Variants in DPYD observed in about 807,000 individuals in gnomAD.
DPYD encodes the protein dihydropyrimidine dehydrogenase, also known as dihydropyrimidine dehydrogenase [NADP(+)].
Under a neutral mutation model 116.2 loss-of-function variants are expected in DPYD, and 109 were observed. That is an observed-to-expected ratio of 0.94 (90% confidence interval 0.80 to 1.10). DPYD has a LOEUF of 1.10. Among genes scored for constraint, DPYD ranks in the 50% least tolerant of loss-of-function variants. DPYD has a pLI of 0.00. For synonymous variants in DPYD, 440 were observed against 432.0 expected, an observed-to-expected ratio of 1.02 and a Z score of -0.23; for missense variants, 1,302 against 1,254.5, an observed-to-expected ratio of 1.04 and a Z score of -0.57.
intron 20 of DPYD, among the ~76,000 whole-genome samples, chr1:97,157,266 T>A (rs1655537608): frequency 6.6e-6 from 1 of 151,906 alleles, no homozygotes; most frequent in African/African-American, 2.4e-5. Context: ...TAAAGTATAA[T>A]AATAATAAAA....
At chr1:97,821,088 T>C (rs1190853792) in intron 3 of DPYD, among the ~76,000 whole-genome samples, 1 of 151,892 alleles carries the variant, frequency 6.6e-6, no homozygotes, top group Admixed American at 6.6e-5. Context: ...AGACAACACA[T>C]TGGAGGCCGA....
rs72967807 is a variant in DPYD at position 97,188,347 on chromosome 1, T to C, written c.2622+4722A>G. Among the ~76,000 whole-genome samples, 1,469 of 152,318 alleles carry C rather than the reference T, an allele frequency of 9.6e-3. 15 individuals carry two copies. Among genetic ancestry groups the C allele is most frequent in the African/African-American group, 0.033 (1,366 of 41,580 alleles). On this transcript the variant is annotated intron_variant, in intron 20 of 22. Coordinates refer to ENST00000370192, the MANE Select transcript of DPYD (RefSeq NM_000110.4). ...TGTTTTCTTCTAAAATGACTGCTGC[T>C]GTTCTTAAAAGGATCTAGCTGGAAT...
chr1:97,269,167 C>T (rs1664417007), intron 18 of DPYD, among the ~76,000 whole-genome samples: 1 of 152,062 alleles, frequency 6.6e-6, no homozygotes, highest in Admixed American at 6.5e-5. Flanking sequence ...TGCAACTGCA[C>T]AAGGATAGCT....
chr1:97,654,439 C>T (rs901679640), intron 8 of DPYD, among the ~76,000 whole-genome samples: 2 of 151,900 alleles, frequency 1.3e-5, no homozygotes, highest in African/African-American at 4.8e-5. Context: ...AGTGATTTCA[C>T]AAAAGATACA....
At position 97,633,402 on chromosome 1, in the gene DPYD, TA is replaced by T. The variant is rs1402852625; in HGVS notation, c.851-38237del. Among the ~76,000 whole-genome samples the T allele has an allele frequency of 3.3e-5, 5 of 152,154 alleles. No homozygotes were observed. The South Asian group carries it at 1.0e-3, about 32-fold the overall frequency. ...TAGGGTAGTATTAAGCTGCCAAAGA[TA>T]AGTGGCCAAAACTGTTGCCAACACA... On this transcript the variant is annotated intron_variant, in intron 8 of 22. Transcript: ENST00000370192.
chr1:97,521,261 G>T (rs1367790518), intron 12 of DPYD, among the ~76,000 whole-genome samples: 1 of 151,988 alleles, frequency 6.6e-6, no homozygotes, highest in Non-Finnish European at 1.5e-5. Flanking sequence ...TTTGTTGGCT[G>T]CACAAATGTC....
intron 1 of DPYD, among the ~76,000 whole-genome samples, chr1:97,898,410 T>G (rs576177668): frequency 6.6e-6 from 1 of 151,986 alleles, no homozygotes; most frequent in African/African-American, 2.4e-5. Context: ...CCACCAGGCT[T>G]TGTGTGGTTT....
chr1:97,638,848 A>G (rs972486441), intron 8 of DPYD, among the ~76,000 whole-genome samples: 1 of 152,112 alleles, frequency 6.6e-6, no homozygotes. Flanking sequence ...ATGCCAAGCT[A>G]TTCATGAGGG....
chr1:97,633,661 TAAGAG>T (rs1327585867), intron 8 of DPYD, among the ~76,000 whole-genome samples: 1 of 151,926 alleles, frequency 6.6e-6, no homozygotes, highest in Non-Finnish European at 1.5e-5. Flanking sequence ...AAAAGCTAGG[TAAGAG>T]AAAAGGTCTA....
chr1:97,686,790 T>C (rs766343419), intron 7 of DPYD, among the ~76,000 whole-genome samples: 4 of 150,970 alleles, frequency 2.6e-5, no homozygotes, highest in Admixed American at 1.3e-4. Flanking sequence ...AAAGCAAAAA[T>C]TGACAGATGA....
At chr1:97,179,940 A>G (rs1468889660) in intron 20 of DPYD, among the ~76,000 whole-genome samples, 1 of 152,156 alleles carries the variant, frequency 6.6e-6, no homozygotes, top group Non-Finnish European at 1.5e-5. Context: ...AAGGAGATGG[A>G]TATTTCATCT....
At chr1:97,119,489 G>A (rs894860953) in intron 20 of DPYD, among the ~76,000 whole-genome samples, 34 of 152,154 alleles carry the variant, frequency 2.2e-4, no homozygotes, top group African/African-American at 7.5e-4. Flanking sequence ...AGGAGAGGGA[G>A]TGTCAGGCTA....
intron 11 of DPYD, among the ~76,000 whole-genome samples, chr1:97,565,835 T>C (rs1217798626): frequency 1.3e-5 from 2 of 152,120 alleles, no homozygotes; most frequent in Non-Finnish European, 2.9e-5. Context: ...AATGAGAGAA[T>C]GAATAGTAGA....
At chr1:97,579,937 G>A (rs1653525814) in intron 10 of DPYD, among the ~76,000 whole-genome samples, 1 of 152,174 alleles carries the variant, frequency 6.6e-6, no homozygotes. Context: ...TGTGGCTGAT[G>A]CTGAGTGAAA....
At chr1:97,558,435 T>C (rs1330486186) in intron 11 of DPYD, among the ~76,000 whole-genome samples, 2 of 151,384 alleles carry the variant, frequency 1.3e-5, no homozygotes, top group Non-Finnish European at 2.9e-5. Flanking sequence ...GATCTTATTT[T>C]CACAATTAGT....
intron 16 of DPYD, among the ~76,000 whole-genome samples, chr1:97,367,554 T>C (rs1243086175): frequency 6.6e-6 from 1 of 152,106 alleles, no homozygotes; most frequent in African/African-American, 2.4e-5. Flanking sequence ...AATTGAACAA[T>C]ATGATTAAAC....
chr1:97,581,745 CAAAAAAA>C lies in DPYD; in HGVS notation c.1129-7782_1129-7776del, dbSNP rs1226325704. Among the ~76,000 whole-genome samples the C allele has an allele frequency of 2.0e-4, 13 of 63,550 alleles. 1 individual carries two copies. In the South Asian group the frequency reaches 4.1e-3, roughly 20 times the overall value. 41.7% of individuals were successfully genotyped at this position (63,550 alleles called of 152,430 possible). On this transcript the variant is annotated intron_variant, in intron 10 of 22. Coordinates refer to ENST00000370192, the MANE Select transcript of DPYD (RefSeq NM_000110.4). ...TTGGTGACACAGCAAGATCCTGTCT[CAAAAAAA>C]AAAAAAAAAAAAAAAGAAAGGACAG...
chr1:97,564,514 G>A (rs1027824504), intron 11 of DPYD, among the ~76,000 whole-genome samples: 4 of 152,164 alleles, frequency 2.6e-5, no homozygotes, highest in African/African-American at 9.7e-5. Flanking sequence ...GGAAGATGAT[G>A]TGTACTAATT....
intron 11 of DPYD, among the ~76,000 whole-genome samples, chr1:97,555,341 T>A (rs1435146330): frequency 6.6e-6 from 1 of 152,124 alleles, no homozygotes; most frequent in Non-Finnish European, 1.5e-5. Flanking sequence ...TTCATCTCTA[T>A]AAAGATGGCC....
Sources: allele counts gnomAD v4.1 joint callset (sites outside exome capture counted in the v4.1 genomes callset), GRCh38; gene constraint gnomAD v4.1.1; transcripts MANE v1.5; gene names NCBI Gene and HGNC (gene_info 2026-07-23, HGNC 2026-07-21).